The following PLA2G4A variants were observed in gnomAD, a reference collection of about 807,000 sequenced individuals.
PLA2G4A encodes cytosolic phospholipase A2.
Under a neutral mutation model 81.9 loss-of-function variants are expected in PLA2G4A, and 40 were observed. That is an observed-to-expected ratio of 0.49 (90% CI 0.38 to 0.64). The LOEUF (loss-of-function observed/expected upper bound fraction) is 0.64, where lower values mean the gene tolerates loss of function less well. PLA2G4A is among the 30% of genes least tolerant of loss of function. The probability of loss-of-function intolerance (pLI) is 0.00; values close to 1 mark genes in which losing one functional copy is unlikely to be tolerated. For missense variants in PLA2G4A, 715 were observed against 905.1 expected, an observed-to-expected ratio of 0.79 and a Z score of 2.69; for synonymous variants, 302 against 296.9, an observed-to-expected ratio of 1.02 and a Z score of -0.18.
intron 7 of PLA2G4A, among the ~76,000 whole-genome samples, chr1:186,914,450 C>T (rs951655263): frequency 2.0e-5 from 3 of 149,352 alleles, no homozygotes; most frequent in East Asian, 3.9e-4. Context: ...CCGGGAGCAT[C>T]GGCAAGACTC....
chr1:186,972,375 G>A (rs1657385745), intron 15 of PLA2G4A, among the ~76,000 whole-genome samples: 1 of 152,090 alleles, frequency 6.6e-6, no homozygotes, highest in African/African-American at 2.4e-5. Context: ...GAGATTGATT[G>A]TTGGTCATGA....
At chr1:186,953,964 G>A (rs935804421) in intron 13 of PLA2G4A, among the ~76,000 whole-genome samples, 3 of 152,066 alleles carry the variant, frequency 2.0e-5, no homozygotes, top group African/African-American at 7.2e-5. Flanking sequence ...GACATATTTT[G>A]TCCTGTTTGG....
intron 10 of PLA2G4A, among the ~76,000 whole-genome samples, chr1:186,942,626 G>A (rs575372827): frequency 1.3e-5 from 2 of 151,934 alleles, no homozygotes; most frequent in Non-Finnish European, 2.9e-5. Flanking sequence ...GACTTTTCAC[G>A]GTGGTTATAT....
chr1:186,906,967 C>A lies in PLA2G4A; in HGVS notation c.381C>A (p.Val127=). Residue 127 remains valine, a splice_region_variant and synonymous_variant, in exon 6 of 18, where the codon GTC becomes GTA. Transcript: ENST00000367466. The part of the protein sequence containing the change: ...KKEVPFIFNQ[V]TEMVLEMSLE... ...CTGATTAACATGTCTTTTTTTAGGT[C>A]ACTGAAATGGTTCTAGAAATGTCTC... 6.7e-7 allele frequency: 1 copy of A among 1,491,956 alleles called. No individual in the cohort carries two copies. The highest frequency in any genetic ancestry group is 9.3e-7 in the Non-Finnish European group (1 of 1,069,988). 92.4% of individuals were successfully genotyped at this position (1,491,956 alleles called of 1,614,324 possible).
At chr1:186,985,350 C>T (rs770181309) in intron 17 of PLA2G4A, among the ~76,000 whole-genome samples, 4 of 152,002 alleles carry the variant, frequency 2.6e-5, no homozygotes, top group Admixed American at 1.3e-4. Context: ...ATGTTCTAAG[C>T]GCTCGGATAA....
At position 186,874,490 on chromosome 1, in the gene PLA2G4A, T is replaced by C. The variant is rs937366959; in HGVS notation, c.115+3974T>C. Among the ~76,000 whole-genome samples the C allele has an allele frequency of 2.0e-5, 3 of 152,100 alleles. No homozygotes were observed. In the East Asian group the frequency reaches 5.8e-4, roughly 29 times the overall value. The stretch of plus-strand genomic sequence containing the variant: ...CTATGAGATTAGATAAGAAATGCCA[T>C]AGTGTTTTTTAAGTGATTAAATACC... On this transcript the variant is annotated intron_variant, in intron 3 of 17. Coordinates refer to ENST00000367466, the MANE Select transcript of PLA2G4A (RefSeq NM_024420.3).
intron 2 of PLA2G4A, among the ~76,000 whole-genome samples, chr1:186,856,960 A>C (rs893227088): frequency 6.7e-6 from 1 of 148,214 alleles, no homozygotes; most frequent in African/African-American, 2.5e-5. Flanking sequence ...AACACAAAAC[A>C]TTTCAAAAAA....
At chr1:186,864,043 G>T (rs1652921507) in intron 2 of PLA2G4A, among the ~76,000 whole-genome samples, 1 of 152,112 alleles carries the variant, frequency 6.6e-6, no homozygotes, top group African/African-American at 2.4e-5. Context: ...TGGGATTAAG[G>T]CATGAGCCAC....
At chr1:186,889,691 T>TG (rs200972079) in intron 3 of PLA2G4A, among the ~76,000 whole-genome samples, 2 of 144,754 alleles carry the variant, frequency 1.4e-5, no homozygotes, top group African/African-American at 4.9e-5. Flanking sequence ...TAAATTTTTT[T>TG]GGGGGGGAAA....
At chr1:186,969,763 A>C (rs866597223) in intron 15 of PLA2G4A, among the ~76,000 whole-genome samples, 79 of 151,948 alleles carry the variant, frequency 5.2e-4, no homozygotes, top group African/African-American at 1.7e-3. Flanking sequence ...TGTCTGAATA[A>C]TATTCTATAG....
At chr1:186,908,788 A>G (rs907029964) in intron 6 of PLA2G4A, among the ~76,000 whole-genome samples, 1 of 151,764 alleles carries the variant, frequency 6.6e-6, no homozygotes, top group Non-Finnish European at 1.5e-5. Flanking sequence ...ATTACTAAAA[A>G]CCTGCAAAAT....
chr1:186,973,829 T>C (rs1657441009), intron 15 of PLA2G4A, among the ~76,000 whole-genome samples: 1 of 152,206 alleles, frequency 6.6e-6, no homozygotes, highest in Non-Finnish European at 1.5e-5. Flanking sequence ...GTAGTTTCTA[T>C]CTGTTGTATT....
At chr1:186,870,946 G>A (rs1653244491) in intron 3 of PLA2G4A, among the ~76,000 whole-genome samples, 2 of 152,158 alleles carry the variant, frequency 1.3e-5, no homozygotes, top group African/African-American at 2.4e-5. Flanking sequence ...AATTAGCCGA[G>A]ATCACTTGGA....
rs116771759 is a variant in PLA2G4A, at chr1:186,938,179, C to T, written c.696-829C>T. 6.7e-3 allele frequency among the ~76,000 whole-genome samples: 1,020 copies of T among 152,090 alleles called. 17 individuals carry two copies. The highest frequency in any genetic ancestry group is 0.024 in the African/African-American group (991 of 41,524). On this transcript the variant is annotated intron_variant, in intron 8 of 17. Transcript: ENST00000367466. Reference sequence around the variant, plus strand: ...AAAGATGAATAAACAAAGTTTATTTCCTGAAGGAGGAGGACACAATTTCTT... The same window carrying T: ...AAAGATGAATAAACAAAGTTTATTTTCTGAAGGAGGAGGACACAATTTCTT...
chr1:186,954,910 A>G (rs2102253051), intron 13 of PLA2G4A, among the ~76,000 whole-genome samples: 1 of 152,306 alleles, frequency 6.6e-6, no homozygotes, highest in South Asian at 2.1e-4. Context: ...AGTGTTTATT[A>G]AGAATTTAAT....
chr1:186,835,299 G>T (rs1046313466), intron 1 of PLA2G4A, among the ~76,000 whole-genome samples: 1 of 152,188 alleles, frequency 6.6e-6, no homozygotes, highest in Non-Finnish European at 1.5e-5. Context: ...AAGAGACAGT[G>T]TCTGCCTAGG....
chr1:186,854,107 C>T (rs1033460213), intron 1 of PLA2G4A, among the ~76,000 whole-genome samples, 179 bp from the exon 2 acceptor site: 3 of 151,796 alleles, frequency 2.0e-5, no homozygotes, highest in Non-Finnish European at 4.4e-5. Flanking sequence ...CAGTATCATC[C>T]AAACATGTTT....
At chr1:186,872,330 C>T (rs1653302990) in intron 3 of PLA2G4A, among the ~76,000 whole-genome samples, 1 of 152,054 alleles carries the variant, frequency 6.6e-6, no homozygotes, top group Non-Finnish European at 1.5e-5. Flanking sequence ...GACACTATTA[C>T]CCACCATACT....
At position 186,882,700 on chromosome 1, in the gene PLA2G4A, T is replaced by A. The variant is rs145056127; in HGVS notation, c.116-10311T>A. On this transcript the variant is annotated intron_variant, in intron 3 of 17. Transcript: ENST00000367466. ...AGGTCAAAAGTGTGTTTCAGAAGGA[T>A]AGTTGTGGTTGCATTATAGAAGGTG... Among the ~76,000 whole-genome samples, 6 of 152,132 alleles carry A rather than the reference T, an allele frequency of 3.9e-5. No homozygotes were observed. The South Asian group carries it at 6.2e-4, about 16-fold the overall frequency.
Sources: gnomAD v4.1 joint callset for allele counts (sites outside exome capture counted in the v4.1 genomes callset) on GRCh38, gnomAD v4.1.1 for gene constraint, MANE v1.5 for transcripts, NCBI Gene and HGNC (gene_info 2026-07-23, HGNC 2026-07-21) for gene names.